The following ZNRF2 variants were observed in gnomAD, a reference collection of about 807,000 sequenced individuals.
The protein encoded by ZNRF2 is E3 ubiquitin-protein ligase ZNRF2.
Under a neutral mutation model 20.4 loss-of-function variants are expected in ZNRF2, and 16 were observed. The ratio of observed to expected loss-of-function variants is 0.79; its 90% CI spans 0.53 to 1.19. ZNRF2 has a LOEUF of 1.19. Among genes scored for constraint, ZNRF2 ranks in the 50% most tolerant of loss-of-function variants. The probability of loss-of-function intolerance (pLI) is 0.00; values close to 1 mark genes in which losing one functional copy is unlikely to be tolerated. For synonymous variants in ZNRF2, 178 were observed against 144.9 expected, an observed-to-expected ratio of 1.23 and a Z score of -1.64; for missense variants, 363 against 332.4, an observed-to-expected ratio of 1.09 and a Z score of -0.72.
At chr7:30,324,069 CAA>C (rs1799514845) in intron 2 of ZNRF2, among the ~76,000 whole-genome samples, 1 of 151,994 alleles carries the variant, frequency 6.6e-6, no homozygotes, top group African/African-American at 2.4e-5. Context: ...TTTTCTAAGA[CAA>C]AATATTTAGT....
chr7:30,285,865 C>G (rs779731247), intron 1 of ZNRF2, 39 bp downstream of exon 1: 6 of 1,419,438 alleles, frequency 4.2e-6, no homozygotes, highest in Admixed American at 3.1e-5. Flanking sequence ...TCGGTCCTCC[C>G]GCGGCTGCAC....
chr7:30,350,256 A>G (rs2127954897), intron 2 of ZNRF2, among the ~76,000 whole-genome samples: 1 of 152,176 alleles, frequency 6.6e-6, no homozygotes, highest in South Asian at 2.1e-4. Flanking sequence ...TTCGATTTCC[A>G]GAATATTCCC....
intron 1 of ZNRF2, among the ~76,000 whole-genome samples, chr7:30,289,369 T>C (rs1798854003): frequency 6.6e-6 from 1 of 152,260 alleles, no homozygotes; most frequent in African/African-American, 2.4e-5. Context: ...GTTATCTTCA[T>C]CAATTAACCA....
At chr7:30,352,391 T>G (rs916958901) in intron 2 of ZNRF2, among the ~76,000 whole-genome samples, 4 of 152,072 alleles carry the variant, frequency 2.6e-5, no homozygotes, top group Non-Finnish European at 5.9e-5. Context: ...TGCCCACTTC[T>G]GGTTAAAAAT....
intron 2 of ZNRF2, among the ~76,000 whole-genome samples, chr7:30,341,516 G>T (rs1799795354): frequency 6.6e-6 from 1 of 152,118 alleles, no homozygotes; most frequent in Admixed American, 6.5e-5. Context: ...TTGAGGAGCA[G>T]GTTGTTCAGT....
At chr7:30,307,062 A>G (rs1162097147) in intron 1 of ZNRF2, among the ~76,000 whole-genome samples, 3 of 152,014 alleles carry the variant, frequency 2.0e-5, no homozygotes, top group African/African-American at 7.2e-5. Flanking sequence ...GTATTTAAAT[A>G]AGATTTACAA....
intron 2 of ZNRF2, among the ~76,000 whole-genome samples, chr7:30,327,664 G>T (rs953360583): frequency 1.6e-4 from 25 of 151,940 alleles, no homozygotes; most frequent in African/African-American, 6.0e-4. Flanking sequence ...TAAAGTTGCT[G>T]ACTGAAAGCT....
At chr7:30,325,694 G>T (rs6943601) in intron 2 of ZNRF2, among the ~76,000 whole-genome samples, 4,515 of 152,176 alleles carry the variant, frequency 0.03, 167 homozygotes, top group African/African-American at 0.088. Flanking sequence ...CCTATTACAG[G>T]GTTGACAATA....
chr7:30,300,031 G>A (rs1331837437), intron 1 of ZNRF2, among the ~76,000 whole-genome samples: 1 of 151,756 alleles, frequency 6.6e-6, no homozygotes, highest in Non-Finnish European at 1.5e-5. Context: ...TGATGTGCCC[G>A]CCTTGGCCTC....
chr7:30,308,381 T>C (rs954864797), intron 1 of ZNRF2, among the ~76,000 whole-genome samples: 1 of 152,212 alleles, frequency 6.6e-6, no homozygotes, highest in Admixed American at 6.5e-5. Flanking sequence ...TAATATGTAT[T>C]CTGGTGCATA....
intron 1 of ZNRF2, among the ~76,000 whole-genome samples, chr7:30,319,105 C>G (rs924285890): frequency 6.7e-6 from 1 of 148,958 alleles, no homozygotes; most frequent in Non-Finnish European, 1.5e-5. Flanking sequence ...GAGCGAAACT[C>G]CGTCTCAAAA....
intron 2 of ZNRF2, among the ~76,000 whole-genome samples, chr7:30,347,586 GC>G (rs1220581183): frequency 2.0e-5 from 3 of 152,148 alleles, no homozygotes; most frequent in African/African-American, 7.2e-5. Flanking sequence ...GGTGGTACAT[GC>G]TTGTAGTCTC....
chr7:30,335,898 GA>G (rs1359490149), intron 2 of ZNRF2, among the ~76,000 whole-genome samples: 2 of 152,022 alleles, frequency 1.3e-5, no homozygotes, highest in African/African-American at 4.8e-5. Context: ...TGGAAGGGGG[GA>G]AAGAGGCAAA....
chr7:30,363,676 G>A (rs1800163793), intron 4 of ZNRF2, among the ~76,000 whole-genome samples: 1 of 151,756 alleles, frequency 6.6e-6, no homozygotes, highest in Non-Finnish European at 1.5e-5. Flanking sequence ...TTGTTCTACT[G>A]ATTTAAGTTT....
At chr7:30,310,945 A>G (rs1394390158) in intron 1 of ZNRF2, among the ~76,000 whole-genome samples, 1 of 152,152 alleles carries the variant, frequency 6.6e-6, no homozygotes, top group Non-Finnish European at 1.5e-5. Context: ...TTGGGGTTGA[A>G]AGAAGGTTGA....
chr7:30,322,304 T>A (rs1799482940), intron 1 of ZNRF2, among the ~76,000 whole-genome samples: 1 of 152,226 alleles, frequency 6.6e-6, no homozygotes, highest in South Asian at 2.1e-4. Flanking sequence ...CCAATCCTTA[T>A]AAAGTTCGGC....
At chr7:30,295,036 AGAGAGAGAGAGAGAGT>A (rs1798989203) in intron 1 of ZNRF2, among the ~76,000 whole-genome samples, 4 of 110,740 alleles carry the variant, frequency 3.6e-5, no homozygotes, top group South Asian at 3.1e-4. Context: ...AGAGAGAGAG[AGAGAGAGAGAGAGAGT>A]GTGTGTGTGT....
intron 2 of ZNRF2, among the ~76,000 whole-genome samples, chr7:30,326,261 A>G (rs1799550682): frequency 6.6e-6 from 1 of 151,930 alleles, no homozygotes; most frequent in African/African-American, 2.4e-5. Context: ...CTCATTAGTT[A>G]TTTTTTCTGA....
At chr7:30,303,390 C>G (rs1192523709) in intron 1 of ZNRF2, among the ~76,000 whole-genome samples, 1 of 152,078 alleles carries the variant, frequency 6.6e-6, no homozygotes, top group Non-Finnish European at 1.5e-5. Context: ...TTTTATGGCT[C>G]AAACAAACTT....
Sources: gnomAD v4.1 joint callset for allele counts (sites outside exome capture counted in the v4.1 genomes callset) on GRCh38, gnomAD v4.1.1 for gene constraint, MANE v1.5 for transcripts, NCBI Gene and HGNC (gene_info 2026-07-23, HGNC 2026-07-21) for gene names.